SGSM2: variants seen among roughly 807,000 people sequenced by gnomAD.
The protein encoded by SGSM2 is small G protein signaling modulator 2.
In SGSM2, 89 loss-of-function variants were observed where a neutral mutation model predicts 126.6. That is an observed-to-expected ratio of 0.70 (90% CI 0.59 to 0.84). The LOEUF (loss-of-function observed/expected upper bound fraction) is 0.84, where lower values mean the gene tolerates loss of function less well. Ranked by LOEUF, SGSM2 falls within the 40% of genes least tolerant of loss-of-function variation. The probability of loss-of-function intolerance (pLI) is 0.00; values close to 1 mark genes in which losing one functional copy is unlikely to be tolerated. For synonymous variants in SGSM2, 614 were observed against 574.3 expected, an observed-to-expected ratio of 1.07 and a Z score of -0.99; for missense variants, 1,404 against 1,416.6, an observed-to-expected ratio of 0.99 and a Z score of 0.14.
At chr17:2,344,597 G>A (rs2064512867) in intron 2 of SGSM2, among the ~76,000 whole-genome samples, 1 of 152,212 alleles carries the variant, frequency 6.6e-6, no homozygotes, top group African/African-American at 2.4e-5. Flanking sequence ...TGACAAGATG[G>A]ACAGAGTCTC....
At chr17:2,361,221 G>C (rs548124190) in intron 2 of SGSM2, among the ~76,000 whole-genome samples, 1 of 152,308 alleles carries the variant, frequency 6.6e-6, no homozygotes, top group East Asian at 1.9e-4. Flanking sequence ...TTTAGCTCCT[G>C]CAGAGCCCTG....
rs558240122 is a variant in SGSM2 at position 2,379,121 on chromosome 17, C to T, written c.2985C>T (p.Ile995=). 6 of 1,614,096 alleles carry T rather than the reference C, an allele frequency of 3.7e-6. No individual in the cohort carries two copies. The highest frequency in any genetic ancestry group is 4.2e-6 in the Non-Finnish European group (5 of 1,180,038). The change falls in exon 23 of 24, where the codon ATC becomes ATT. Residue 995 remains isoleucine (I), a synonymous_variant. Transcript: ENST00000268989. ...CATCGGAGCACTTTGTCCTGTTCAT[C>T]GCCCTCGCCCTGGTGGAGGCCTACC... ...HISSEHFVLF[I]ALALVEAYRE...
rs780824268 is a variant in SGSM2, at chr17:2,376,136, G to C, written c.2485-1G>C. Reference sequence around the variant, plus strand: ...TGCCTGAGGGCCCTCCACTCTTCCAGATAGAATTACTGGACACTGTGGCCT... The same window carrying C: ...TGCCTGAGGGCCCTCCACTCTTCCACATAGAATTACTGGACACTGTGGCCT... On this transcript the variant is annotated splice_acceptor_variant, in intron 18 of 23. Coordinates refer to ENST00000268989, the MANE Select transcript of SGSM2 (RefSeq NM_014853.3). LOFTEE classifies it high-confidence loss of function. 1.1e-5 allele frequency: 17 copies of C among 1,614,052 alleles called. No homozygotes were observed. Among genetic ancestry groups the C allele is most frequent in the Non-Finnish European group, 1.3e-5 (15 of 1,180,000 alleles).
At chr17:2,342,444 A>G (rs141184723) in intron 1 of SGSM2, among the ~76,000 whole-genome samples, 5 of 151,926 alleles carry the variant, frequency 3.3e-5, no homozygotes, top group Admixed American at 3.3e-4. Flanking sequence ...AAACAAAAAA[A>G]GTATAAAAAC....
At chr17:2,339,294 G>T (rs1411556114) in intron 1 of SGSM2, among the ~76,000 whole-genome samples, 4 of 151,886 alleles carry the variant, frequency 2.6e-5, no homozygotes, top group Non-Finnish European at 2.9e-5. Context: ...AAATTAGCCA[G>T]GCACAGTGGT....
intron 13 of SGSM2, 150 bp downstream of exon 13, chr17:2,371,565 T>C: frequency 1.1e-6 from 1 of 915,812 alleles, no homozygotes; most frequent in Non-Finnish European, 1.6e-6. Flanking sequence ...GCTACCCACG[T>C]GACTTACAAG....
At chr17:2,374,279 T>C (rs1239130557) in intron 17 of SGSM2, 3 of 152,242 alleles carry the variant, frequency 2.0e-5, no homozygotes, top group Admixed American at 2.0e-4. Flanking sequence ...TAAGTTGAAG[T>C]AAGTTAAATA....
intron 17 of SGSM2, 92 bp downstream of exon 17, chr17:2,373,605 A>G: frequency 3.3e-6 from 4 of 1,223,456 alleles, no homozygotes; most frequent in Non-Finnish European, 4.5e-6. Context: ...ACCTCTGGGA[A>G]CTGGTGGGGC....
chr17:2,377,797 G>C, intron 21 of SGSM2, 60 bp from the exon 22 acceptor site: 1 of 1,131,298 alleles, frequency 8.8e-7, no homozygotes, highest in Admixed American at 1.7e-5. Context: ...ACGGTGAGTG[G>C]CGGCCAGAGG....
intron 1 of SGSM2, among the ~76,000 whole-genome samples, chr17:2,340,139 G>A (rs535336838): frequency 1.3e-5 from 2 of 151,094 alleles, no homozygotes; most frequent in South Asian, 2.1e-4. Flanking sequence ...TTTTGGAGAC[G>A]GAGTCTTGCT....
At position 2,364,346 on chromosome 17, in the gene SGSM2, C is replaced by T. The variant is rs980191683; in HGVS notation, c.932+163C>T. 7.0e-6 allele frequency: 7 copies of T among 994,314 alleles called. No individual in the cohort carries two copies. The Admixed American group carries it at 1.3e-4, about 19-fold the overall frequency. The allele number at this position is 994,314 out of a possible 1,614,324, so 61.6% of individuals were successfully genotyped here. On this transcript the variant is annotated intron_variant, in intron 8 of 23. Transcript: ENST00000268989. ...CTGCCTGGAGTGATTCCCAAGCTCTCTAGGACGGAGCCAAGCCTGGCCGTG... is the reference window on the plus strand; with the variant it reads ...CTGCCTGGAGTGATTCCCAAGCTCTTTAGGACGGAGCCAAGCCTGGCCGTG...
At position 2,367,405 on chromosome 17, in the gene SGSM2, G is replaced by T; in HGVS notation, c.1423G>T (p.Asp475Tyr). ...RNLTAPNPMK[D>Y]AGDMIEMQGF... Reference sequence around the variant, plus strand: ...CCTCACAGCTCCCAATCCGATGAAAGGTTCTTATCCCTCCCTCTCCCTGAC... The same window carrying T: ...CCTCACAGCTCCCAATCCGATGAAATGTTCTTATCCCTCCCTCTCCCTGAC... The change falls in exon 12 of 24, where the codon GAC becomes TAC. Residue 475 changes from aspartate to tyrosine, a missense_variant and splice_region_variant. Coordinates refer to ENST00000268989, the MANE Select transcript of SGSM2 (RefSeq NM_014853.3). The surrounding 1 kb of genome is among the most constrained non-coding windows in gnomAD (Gnocchi z 4.0). 6.2e-7 allele frequency: 1 copy of T among 1,612,902 alleles called. No individual in the cohort carries two copies. Among genetic ancestry groups the T allele is most frequent in the East Asian group, 2.2e-5 (1 of 44,848 alleles).
chr17:2,363,494 G>A lies in SGSM2; in HGVS notation c.702G>A (p.Ala234=), dbSNP rs193264366. 10 of 1,613,490 alleles carry A rather than the reference G, an allele frequency of 6.2e-6. No individual in the cohort carries two copies. The East Asian group carries it at 1.1e-4, about 18-fold the overall frequency. ...GIRKRHSSGS[A]SEDRLAACAR... The stretch of plus-strand genomic sequence containing the variant: ...GGAAACGGCACTCAAGCGGCAGCGC[G>A]TCGGAGGACAGGCTGGCTGCCTGTG... Residue 234 remains alanine, a synonymous_variant, in exon 7 of 24, where the codon GCG becomes GCA. Coordinates refer to ENST00000268989, the MANE Select transcript of SGSM2 (RefSeq NM_014853.3). The surrounding 1 kb of genome is among the most constrained non-coding windows in gnomAD (Gnocchi z 4.2).
chr17:2,364,943 G>C lies in SGSM2; in HGVS notation c.1047G>C (p.Arg349Ser), dbSNP rs1376261481. 6.2e-7 allele frequency: 1 copy of C among 1,612,862 alleles called. No individual in the cohort carries two copies. The highest frequency in any genetic ancestry group is 1.1e-5 in the South Asian group (1 of 91,078). Residue 349 changes from arginine to serine, a missense_variant, in exon 10 of 24, where the codon AGG (arginine) becomes AGC (serine). Coordinates refer to ENST00000268989, the MANE Select transcript of SGSM2 (RefSeq NM_014853.3). ...LVLVSQDGIQ[R>S]PPLHFPQGGH... is the part of the protein sequence containing the mutation. Reference sequence around the variant, plus strand: ...TGGTGAGCCAGGATGGCATCCAGAGGCCGCCGCTGCATTTCCCACAGGGAG... The same window carrying C: ...TGGTGAGCCAGGATGGCATCCAGAGCCCGCCGCTGCATTTCCCACAGGGAG...
In SGSM2 at chr17:2,373,433, C is replaced by G. The variant is rs148765887; in HGVS notation, c.2020C>G (p.Arg674Gly). The part of the protein sequence containing the change: ...QREREAHPAT[R>G]TKFSSGSSID... ...GGAGCGGGAGGCCCACCCAGCCACA[C>G]GCACCAAGTTCTCCTCAGGCAGCAG... is the stretch of plus-strand genomic sequence containing the variant. Residue 674 changes from arginine (R) to glycine (G), a missense_variant, in exon 17 of 24, where the codon CGC becomes GGC. Physicochemically the swap from Arg to Gly is moderately radical, Grantham distance 125. Coordinates refer to ENST00000268989, the MANE Select transcript of SGSM2 (RefSeq NM_014853.3). 1.1e-5 allele frequency: 17 copies of G among 1,611,196 alleles called. No homozygotes were observed. The highest frequency in any genetic ancestry group is 1.3e-5 in the Non-Finnish European group (15 of 1,179,982).
chr17:2,364,682 C>T lies in SGSM2; in HGVS notation c.1000+19C>T, dbSNP rs61640390. 3,100 of 1,614,008 alleles carry T rather than the reference C, an allele frequency of 1.9e-3. 51 individuals are homozygous for T. The African/African-American group carries it at 0.035, about 18-fold the overall frequency. ...CAGCAAAGTAAGCCTGCCTTGTCCT[C>T]GGCTCGGGTGGGAAGGGAGAGGCTG... On this transcript the variant is annotated intron_variant, in intron 9 of 23. Coordinates refer to ENST00000268989, the MANE Select transcript of SGSM2 (RefSeq NM_014853.3).
rs1457018469 is a variant in SGSM2, at chr17:2,376,218, T to C, written c.2566T>C (p.Phe856Leu). 1.2e-6 allele frequency: 2 copies of C among 1,614,024 alleles called. No individual in the cohort carries two copies. Among genetic ancestry groups the C allele is most frequent in the Non-Finnish European group, 1.7e-6 (2 of 1,180,008 alleles). ...VQRCDRNYWY[F>L]TPPNLERLRD... ...GAGGTGTGACCGCAACTACTGGTACTTCACGCCCCCCAACCTCGAGAGGCT... is the reference window on the plus strand; with the variant it reads ...GAGGTGTGACCGCAACTACTGGTACCTCACGCCCCCCAACCTCGAGAGGCT... The change falls in exon 19 of 24, where the codon TTC (phenylalanine) becomes CTC (leucine). Residue 856 changes from phenylalanine (F) to leucine (L), a missense_variant. By Grantham distance (22) the Phe-to-Leu change is conservative. Coordinates refer to ENST00000268989, the MANE Select transcript of SGSM2 (RefSeq NM_014853.3).
chr17:2,360,120 A>G (rs1046899478), intron 2 of SGSM2, among the ~76,000 whole-genome samples: 6 of 152,142 alleles, frequency 3.9e-5, no homozygotes, highest in African/African-American at 1.4e-4. Flanking sequence ...AGGCGGGCGG[A>G]TCACTTGAGG....
chr17:2,338,627 G>A (rs1446328060), intron 1 of SGSM2, among the ~76,000 whole-genome samples: 3 of 152,006 alleles, frequency 2.0e-5, no homozygotes, highest in South Asian at 4.1e-4. Flanking sequence ...TGTATCCAGT[G>A]CCTGGCATAC....
Sources: allele counts gnomAD v4.1 joint callset (sites outside exome capture counted in the v4.1 genomes callset), GRCh38; gene constraint gnomAD v4.1.1; non-coding constraint Gnocchi (gnomAD v3.1); transcripts MANE v1.5; gene names NCBI Gene and HGNC (gene_info 2026-07-23, HGNC 2026-07-21).